Variants in DPP6 observed in about 807,000 individuals in gnomAD.
The protein encoded by DPP6 is A-type potassium channel modulatory protein DPP6.
DPP6 carries 69 observed loss-of-function variants against 122.6 expected under a neutral mutation model. The observed-to-expected ratio is 0.56, with a 90% CI of 0.46 to 0.69. DPP6 has a LOEUF of 0.69. Among genes scored for constraint, DPP6 ranks in the 30% least tolerant of loss-of-function variants. The probability of loss-of-function intolerance (pLI) is 0.00; values close to 1 mark genes in which losing one functional copy is unlikely to be tolerated. For missense variants in DPP6, 928 were observed against 1,116.9 expected, an observed-to-expected ratio of 0.83 and a Z score of 2.41; for synonymous variants, 418 against 433.1, an observed-to-expected ratio of 0.97 and a Z score of 0.43.
chr7:154,866,744 A>G (rs746993028), intron 17 of DPP6, among the ~76,000 whole-genome samples: 1 of 152,226 alleles, frequency 6.6e-6, no homozygotes, highest in African/African-American at 2.4e-5. Context: ...TCAAAGCTCA[A>G]TATTCAAATG....
At chr7:154,224,806 G>A (rs1021891069) in intron 1 of DPP6, among the ~76,000 whole-genome samples, 2 of 148,290 alleles carry the variant, frequency 1.3e-5, no homozygotes, top group African/African-American at 2.6e-5. Flanking sequence ...GAGGGCTTTT[G>A]CAACATATGA....
intron 12 of DPP6, among the ~76,000 whole-genome samples, chr7:154,798,469 T>C (rs916205472): frequency 2.0e-5 from 3 of 152,246 alleles, no homozygotes; most frequent in Admixed American, 6.5e-5. Flanking sequence ...TGTTTTCAAA[T>C]GTAAAGTTTA....
chr7:154,182,481 T>TC (rs1415885335), intron 1 of DPP6, among the ~76,000 whole-genome samples: 1 of 152,124 alleles, frequency 6.6e-6, no homozygotes, highest in African/African-American at 2.4e-5. Context: ...GGGATGCTGC[T>TC]TCCTTCTAGA....
the DPP6 span, among the ~76,000 whole-genome samples, chr7:153,780,447 T>C: frequency 6.6e-6 from 1 of 152,148 alleles, no homozygotes; most frequent in Admixed American, 6.5e-5. Context: ...TGATATCAAC[T>C]TTATGAAAGC....
intron 1 of DPP6, among the ~76,000 whole-genome samples, chr7:154,195,376 A>G (rs1244683779): frequency 1.3e-5 from 2 of 152,110 alleles, no homozygotes; most frequent in Admixed American, 6.5e-5. Context: ...GGAAACTGCC[A>G]TTGGCTGGCA....
intron 2 of DPP6, among the ~76,000 whole-genome samples, chr7:154,468,263 T>C (rs1429072569): frequency 6.6e-6 from 1 of 152,198 alleles, no homozygotes; most frequent in African/African-American, 2.4e-5. Flanking sequence ...AATAGCCAAA[T>C]GTTTAGAGAC....
chr7:154,771,556 G>A (rs1796251331), intron 9 of DPP6, among the ~76,000 whole-genome samples: 2 of 152,206 alleles, frequency 1.3e-5, no homozygotes, highest in Admixed American at 6.5e-5. Flanking sequence ...CTGGGGGTTA[G>A]GGCTGCACCG....
chr7:153,936,059 G>A (rs1204702172), intron 1 of DPP6, among the ~76,000 whole-genome samples: 1 of 152,206 alleles, frequency 6.6e-6, no homozygotes, highest in Non-Finnish European at 1.5e-5. Context: ...ACGGGGCTGG[G>A]TGCAGTTCCC....
chr7:154,630,843 TA>T (rs1835363955), intron 5 of DPP6, among the ~76,000 whole-genome samples: 1 of 152,096 alleles, frequency 6.6e-6, no homozygotes, highest in Admixed American at 6.5e-5. Flanking sequence ...ATGCAGGGCT[TA>T]AAACCTAGAT....
chr7:153,973,341 G>T (rs1796121010), intron 1 of DPP6, among the ~76,000 whole-genome samples: 1 of 152,176 alleles, frequency 6.6e-6, no homozygotes, highest in South Asian at 2.1e-4. Flanking sequence ...CAGAGCTGAT[G>T]GAAGTCTAGA....
At chr7:153,876,501 A>T in the DPP6 span, among the ~76,000 whole-genome samples, 1 of 152,064 alleles carries the variant, frequency 6.6e-6, no homozygotes, top group African/African-American at 2.4e-5. Flanking sequence ...CTAAAAGTTA[A>T]TATTAAAAAT....
chr7:154,176,097 A>T (rs921291833), intron 1 of DPP6, among the ~76,000 whole-genome samples: 1 of 152,218 alleles, frequency 6.6e-6, no homozygotes, highest in African/African-American at 2.4e-5. Flanking sequence ...GGAGGAAATT[A>T]GTTGGCCTTT....
chr7:154,090,051 T>C (rs887937109), intron 1 of DPP6, among the ~76,000 whole-genome samples: 13 of 152,340 alleles, frequency 8.5e-5, no homozygotes, highest in Non-Finnish European at 1.6e-4. Flanking sequence ...TTTCTATGCC[T>C]GTGAAGATGT....
chr7:154,642,470 A>C (rs1836166270), intron 6 of DPP6, among the ~76,000 whole-genome samples: 1 of 151,932 alleles, frequency 6.6e-6, no homozygotes, highest in South Asian at 2.1e-4. Context: ...GGTACCTGTA[A>C]TCCCAGCTAC....
chr7:154,302,448 G>T (rs1416787191), intron 1 of DPP6, among the ~76,000 whole-genome samples: 1 of 152,200 alleles, frequency 6.6e-6, no homozygotes, highest in African/African-American at 2.4e-5. Context: ...TCCAAGGAAA[G>T]GTACTGAGTG....
rs143558379 is a variant in DPP6, at chr7:154,826,862, A to G, written c.1666+19750A>G. ...TGTTACATCTGCTTTCACTTTCATT[A>G]ATTTTCTTGCCCAGAAGAAGGTATT... On this transcript the variant is annotated intron_variant, in intron 16 of 25. Coordinates refer to ENST00000377770, the MANE Select transcript of DPP6 (RefSeq NM_130797.4). 7.0e-3 allele frequency among the ~76,000 whole-genome samples: 1,066 copies of G among 152,260 alleles called. 7 individuals are homozygous for G. The highest frequency in any genetic ancestry group is 0.02 in the Middle Eastern group (6 of 294).
intron 3 of DPP6, among the ~76,000 whole-genome samples, chr7:154,489,593 T>C (rs1271352756): frequency 1.3e-5 from 2 of 149,980 alleles, no homozygotes; most frequent in Non-Finnish European, 2.9e-5. Context: ...CAACCTCACA[T>C]CTGATGCTTC....
chr7:154,454,324 C>T (rs532072025), intron 2 of DPP6, among the ~76,000 whole-genome samples: 1 of 152,258 alleles, frequency 6.6e-6, no homozygotes, highest in African/African-American at 2.4e-5. Flanking sequence ...TGGCTGCTGC[C>T]GATGCTACCA....
At chr7:153,800,985 T>C in the DPP6 span, among the ~76,000 whole-genome samples, 1 of 152,160 alleles carries the variant, frequency 6.6e-6, no homozygotes, top group Non-Finnish European at 1.5e-5. Flanking sequence ...ACTTCAAGAA[T>C]ATATACAATT....
Sources: gnomAD v4.1 joint callset for allele counts (sites outside exome capture counted in the v4.1 genomes callset) on GRCh38, gnomAD v4.1.1 for gene constraint, MANE v1.5 for transcripts, NCBI Gene and HGNC (gene_info 2026-07-23, HGNC 2026-07-21) for gene names.